The following PARL variants were observed in gnomAD, a reference collection of about 807,000 sequenced individuals.
PARL encodes presenilin-associated rhomboid-like protein, mitochondrial.
A neutral mutation model predicts 51.6 loss-of-function variants in PARL; 44 were observed. That is an observed-to-expected ratio of 0.85 (90% CI 0.67 to 1.10). PARL has a LOEUF of 1.10. Ranked by LOEUF, PARL falls within the 50% of genes least tolerant of loss-of-function variation. The pLI is 0.00. For synonymous variants in PARL, 172 were observed against 164.0 expected, an observed-to-expected ratio of 1.05 and a Z score of -0.37; for missense variants, 441 against 469.5, an observed-to-expected ratio of 0.94 and a Z score of 0.56.
At position 183,835,208 on chromosome 3, in the gene PARL, GC is replaced by G. The variant is rs1268560178; in HGVS notation, c.829-1384del. ...AAGAGCAAAATAACTTTTGAAAGAA[GC>G]CCCTATCATTAAAAAGAAAGGTTCC... On this transcript the variant is annotated intron_variant, in intron 7 of 9. Coordinates refer to ENST00000317096, the MANE Select transcript of PARL (RefSeq NM_018622.7). Among the ~76,000 whole-genome samples, 4 of 148,530 alleles carry G rather than the reference GC, an allele frequency of 2.7e-5. No individual in the cohort carries two copies. In the East Asian group the frequency reaches 7.8e-4, roughly 29 times the overall value.
intron 4 of PARL, among the ~76,000 whole-genome samples, chr3:183,845,306 C>G (rs1466747394): frequency 6.6e-6 from 1 of 152,148 alleles, no homozygotes; most frequent in African/African-American, 2.4e-5. Context: ...CAGCTAGCCC[C>G]TGGCATTTCT....
intron 7 of PARL, among the ~76,000 whole-genome samples, chr3:183,836,310 T>G (rs1044509912): frequency 2.0e-5 from 3 of 151,688 alleles, no homozygotes; most frequent in African/African-American, 7.3e-5. Flanking sequence ...TTAAAAAAAA[T>G]TGTCGTTATC....
chr3:183,840,122 CA>C (rs1374728447), intron 7 of PARL, among the ~76,000 whole-genome samples: 1 of 152,204 alleles, frequency 6.6e-6, no homozygotes. Context: ...AAAACCAACA[CA>C]AATAATCGTG....
At chr3:183,835,129 A>G (rs116142667) in intron 7 of PARL, among the ~76,000 whole-genome samples, 3 of 149,324 alleles carry the variant, frequency 2.0e-5, no homozygotes, top group African/African-American at 2.5e-5. Context: ...GCAACTTTCC[A>G]TAAGTTTTTA....
At chr3:183,859,998 C>T (rs917893363) in intron 4 of PARL, among the ~76,000 whole-genome samples, 37 of 150,964 alleles carry the variant, frequency 2.5e-4, no homozygotes, top group African/African-American at 7.1e-4. Flanking sequence ...ACACTGGTCT[C>T]ACAAAGCTTT....
chr3:183,842,183 T>C, intron 6 of PARL, 115 bp downstream of exon 6: 2 of 1,045,334 alleles, frequency 1.9e-6, no homozygotes, highest in South Asian at 2.5e-5. Flanking sequence ...GAGAAACAAA[T>C]ATGTTCTGAG....
At chr3:183,850,160 T>C (rs1730393929) in intron 4 of PARL, among the ~76,000 whole-genome samples, 1 of 152,206 alleles carries the variant, frequency 6.6e-6, no homozygotes, top group South Asian at 2.1e-4. Flanking sequence ...ACTTGGTGGC[T>C]TAAAACAAAA....
At position 183,846,226 on chromosome 3, in the gene PARL, C is replaced by T. The variant is rs946772794; in HGVS notation, c.512-1900G>A. Among the ~76,000 whole-genome samples the T allele has an allele frequency of 2.0e-5, 3 of 152,214 alleles. No individual in the cohort carries two copies. In the East Asian group the frequency reaches 5.8e-4, roughly 29 times the overall value. On this transcript the variant is annotated intron_variant, in intron 4 of 9. Coordinates refer to ENST00000317096, the MANE Select transcript of PARL (RefSeq NM_018622.7). ...AAGATAAAGGCCGGGTGCGGTGGCT[C>T]ACGTCTGTAATCCCAGCAGTACTTT...
At chr3:183,840,694 T>C in intron 6 of PARL, 54 bp from the exon 7 acceptor site, 1 of 831,918 alleles carries the variant, frequency 1.2e-6, no homozygotes, top group Non-Finnish European at 1.9e-6. Flanking sequence ...AATGGTTTAC[T>C]TTTTTTTTTC....
chr3:183,883,593 C>A, intron 1 of PARL: 1 of 985,270 alleles, frequency 1.0e-6, no homozygotes, highest in Non-Finnish European at 1.2e-6. Context: ...TTTCTTTCCC[C>A]CTTAAACCAT....
Position 183,848,490 on chromosome 3 carries a change from G to A in PARL, c.512-4164C>T, listed in dbSNP as rs545405931. The stretch of plus-strand genomic sequence containing the variant: ...TCTCCTGACCTCGTGATCTGCCCGC[G>A]TCGGCCTCCCAAAGCTTTGCAGCAT... On this transcript the variant is annotated intron_variant, in intron 4 of 9. Coordinates refer to ENST00000317096, the MANE Select transcript of PARL (RefSeq NM_018622.7). Among the ~76,000 whole-genome samples, 12 of 152,198 alleles carry A rather than the reference G, an allele frequency of 7.9e-5. No individual in the cohort carries two copies. The South Asian group carries it at 2.1e-3, about 26-fold the overall frequency.
intron 4 of PARL, among the ~76,000 whole-genome samples, chr3:183,857,104 C>T (rs1444983615): frequency 6.6e-6 from 1 of 152,152 alleles, no homozygotes; most frequent in Non-Finnish European, 1.5e-5. Flanking sequence ...TGGTTCACAC[C>T]TGTAATCCCA....
downstream of PARL, among the ~76,000 whole-genome samples, chr3:183,827,348 G>A (rs1041144719): frequency 2.0e-5 from 3 of 152,048 alleles, no homozygotes; most frequent in Non-Finnish European, 4.4e-5. Flanking sequence ...CAGCTACTTG[G>A]AGGCTGAGGC....
intron 4 of PARL, among the ~76,000 whole-genome samples, chr3:183,858,502 A>C (rs1382727304): frequency 6.6e-6 from 1 of 152,182 alleles, no homozygotes; most frequent in Non-Finnish European, 1.5e-5. Flanking sequence ...CTCTCTCCCT[A>C]TCCTTTTCTG....
chr3:183,858,708 G>C (rs1351838246), intron 4 of PARL, among the ~76,000 whole-genome samples: 1 of 152,080 alleles, frequency 6.6e-6, no homozygotes, highest in Non-Finnish European at 1.5e-5. Context: ...CTCTAGGAGA[G>C]GCTTAAAAGG....
intron 1 of PARL, among the ~76,000 whole-genome samples, chr3:183,872,264 A>G (rs911320605): frequency 6.6e-6 from 1 of 152,126 alleles, no homozygotes; most frequent in East Asian, 1.9e-4. Context: ...GGCCTCCCAA[A>G]GTGCTGGGAT....
chr3:183,843,188 A>T, intron 5 of PARL: 1 of 984,396 alleles, frequency 1.0e-6, no homozygotes, highest in Non-Finnish European at 1.2e-6. Context: ...CCAGCTTAAG[A>T]CATCATTTTT....
chr3:183,833,642 AT>A, intron 8 of PARL, 53 bp from the exon 9 acceptor site: 1 of 1,494,004 alleles, frequency 6.7e-7, no homozygotes, highest in Non-Finnish European at 9.3e-7. Context: ...CAGCACTGAC[AT>A]TTCTAACTTA....
chr3:183,842,677 G>A (rs927263160), intron 5 of PARL, among the ~76,000 whole-genome samples: 23 of 151,244 alleles, frequency 1.5e-4, no homozygotes, highest in Non-Finnish European at 2.7e-4. Flanking sequence ...GTGTGGTGGC[G>A]CACGTTTGTA....
Sources: gnomAD v4.1 joint callset for allele counts (sites outside exome capture counted in the v4.1 genomes callset) on GRCh38, gnomAD v4.1.1 for gene constraint, MANE v1.5 for transcripts, NCBI Gene and HGNC (gene_info 2026-07-23, HGNC 2026-07-21) for gene names.